AP4M1: variants seen among roughly 807,000 people sequenced by gnomAD.
AP4M1 encodes AP-4 complex subunit mu-1.
Under a neutral mutation model 62.4 loss-of-function variants are expected in AP4M1, and 58 were observed. The ratio of observed to expected loss-of-function variants is 0.93; its 90% CI spans 0.75 to 1.16. The LOEUF (loss-of-function observed/expected upper bound fraction) is 1.16. Ranked by LOEUF, AP4M1 falls within the 50% of genes most tolerant of loss-of-function variation. AP4M1 has a pLI of 0.00. For missense variants in AP4M1, 626 were observed against 585.4 expected, an observed-to-expected ratio of 1.07 and a Z score of -0.72; for synonymous variants, 290 against 239.7, an observed-to-expected ratio of 1.21 and a Z score of -1.94.
At position 100,108,115 on chromosome 7, in the gene AP4M1, G is replaced by A. The variant is rs1796743716; in HGVS notation, c.*1233G>A. ...GTGGGGCCTGCGAGAGGGTCAGCGT[G>A]GGCCGGGGCTGCGGGGAGAAGAGGA... On this transcript the variant is annotated 3_prime_UTR_variant, in exon 15 of 15. Coordinates refer to ENST00000359593, the MANE Select transcript of AP4M1 (RefSeq NM_004722.4). 1 of 1,601,126 alleles carries A rather than the reference G, an allele frequency of 6.2e-7. No individual in the cohort carries two copies. The highest frequency in any genetic ancestry group is 1.8e-5 in the Admixed American group (1 of 57,030).
intron 1 of AP4M1, 40 bp downstream of exon 1, chr7:100,101,812 C>T: frequency 1.5e-6 from 1 of 661,616 alleles, no homozygotes; most frequent in Non-Finnish European, 2.7e-6. Context: ...GCGGAGGGGC[C>T]GGGCGGGAGG....
rs770701412 is a variant in AP4M1, at chr7:100,102,813, TAGGAGGGGTCTGAG to T, written c.254+39_255-31del. On this transcript the variant is annotated intron_variant, in intron 3 of 14. Coordinates refer to ENST00000359593, the MANE Select transcript of AP4M1 (RefSeq NM_004722.4). ...AGGGTTGGGCTGGGCACCTGGTAGCTAGGAGGGGTCTGAGAGGAGGAGAAAATACACGCTCCAAG... is the reference window on the plus strand; with the variant it reads ...AGGGTTGGGCTGGGCACCTGGTAGCTAGGAGGAGAAAATACACGCTCCAAG... The T allele has an allele frequency of 3.8e-5, 61 of 1,613,176 alleles. No homozygotes were observed. The Middle Eastern group carries it at 1.2e-3, about 30-fold the overall frequency.
rs1299756204 is a variant in AP4M1 at position 100,107,555 on chromosome 7, G to A, written c.*673G>A. The A allele has an allele frequency of 4.3e-6, 7 of 1,613,934 alleles. No homozygotes were observed. The East Asian group carries it at 1.1e-4, about 26-fold the overall frequency. On this transcript the variant is annotated 3_prime_UTR_variant, in exon 15 of 15. Transcript: ENST00000359593. ...ACTTGACGATGGGCTGCACGCTGGGGACGGTGGTGGTGACGGGCGAAGTGG... is the reference window on the plus strand; with the variant it reads ...ACTTGACGATGGGCTGCACGCTGGGAACGGTGGTGGTGACGGGCGAAGTGG...
At chr7:100,101,088 C>T (rs1361739888), upstream of AP4M1, 1 of 779,444 alleles carries the variant, frequency 1.3e-6, no homozygotes. Context: ...TCGATGGCCC[C>T]CCGCACGCTT....
At chr7:100,101,126 C>T, upstream of AP4M1, 2 of 1,091,920 alleles carry the variant, frequency 1.8e-6, no homozygotes, top group Non-Finnish European at 2.7e-6. Flanking sequence ...TTAGCCAGGC[C>T]GCAGCTCGAC....
upstream of AP4M1, chr7:100,101,064 G>A (rs1414566929): frequency 1.4e-6 from 1 of 734,276 alleles, no homozygotes; most frequent in Non-Finnish European, 2.2e-6. Flanking sequence ...GGGATTACTA[G>A]CTTTTCTTCA....
At chr7:100,104,825 A>C (rs777509728) in intron 7 of AP4M1, 49 bp from the exon 8 acceptor site, 12 of 1,607,620 alleles carry the variant, frequency 7.5e-6, no homozygotes, top group Non-Finnish European at 1.0e-5. Flanking sequence ...AGACCGTCTC[A>C]AAAAAAGAAA....
rs1238681981 is a variant in AP4M1 at position 100,108,065 on chromosome 7, A to G, written c.*1183A>G. 1 of 1,612,724 alleles carries G rather than the reference A, an allele frequency of 6.2e-7. No homozygotes were observed. Among genetic ancestry groups the G allele is most frequent in the African/African-American group, 1.3e-5 (1 of 75,000 alleles). On this transcript the variant is annotated 3_prime_UTR_variant, in exon 15 of 15. Coordinates refer to ENST00000359593, the MANE Select transcript of AP4M1 (RefSeq NM_004722.4). The stretch of plus-strand genomic sequence containing the variant: ...TGCGATGGAGCCAGGAACCTTCAGC[A>G]AGCCAGGGGTGCGAGGGCCAGGCTG...
intron 11 of AP4M1, 45 bp downstream of exon 11, chr7:100,105,584 C>T (rs1179933797): frequency 1.9e-6 from 3 of 1,547,808 alleles, no homozygotes; most frequent in Non-Finnish European, 2.7e-6. Context: ...GAACCCAAGC[C>T]AAGACCTGTA....
Position 100,108,594 on chromosome 7 carries a change from TAGAG to T in AP4M1, c.*1713_*1716del. On this transcript the variant is annotated 3_prime_UTR_variant, in exon 15 of 15. Transcript: ENST00000359593. ...GGGAGGGCTGGGGAAAAAAGCCAGG[TAGAG>T]GGAGGGCTGGTGACACTCTTGAGAA... is the stretch of plus-strand genomic sequence containing the variant. 6.5e-7 allele frequency: 1 copy of T among 1,542,788 alleles called. No homozygotes were observed. Among genetic ancestry groups the T allele is most frequent in the Non-Finnish European group, 8.8e-7 (1 of 1,141,590 alleles).
chr7:100,105,591 T>A, intron 11 of AP4M1, 52 bp downstream of exon 11: 1 of 1,529,798 alleles, frequency 6.5e-7, no homozygotes, highest in Non-Finnish European at 9.0e-7. Context: ...AGCCAAGACC[T>A]GTATGTTCCC....
upstream of AP4M1, chr7:100,101,163 A>G (rs1268080019): frequency 2.1e-5 from 32 of 1,488,888 alleles, no homozygotes; most frequent in Non-Finnish European, 3.0e-5. Context: ...CGCACCCCAG[A>G]ACCCGCCGAC....
chr7:100,103,887 C>CAAAAA (rs10671291), intron 6 of AP4M1, among the ~76,000 whole-genome samples, 195 bp downstream of exon 6: 6 of 92,024 alleles, frequency 6.5e-5, no homozygotes, highest in South Asian at 3.7e-4. Flanking sequence ...ACTAAAAATG[C>CAAAAA]AAAAAAAAAA....
At chr7:100,101,816 C>A in intron 1 of AP4M1, 44 bp downstream of exon 1, 3 of 654,902 alleles carry the variant, frequency 4.6e-6, no homozygotes, top group Non-Finnish European at 8.2e-6. Flanking sequence ...AGGGGCCGGG[C>A]GGGAGGGGCG....
Position 100,105,509 on chromosome 7 carries a change from C to T in AP4M1, c.899C>T (p.Pro300Leu), listed in dbSNP as rs907295366. ...TCACCGCTCCCCTTCCGGCTCTTCC[C>T]CTCTGTGCAGTGGGACCGAGGCTCA... ...LPSPLPFRLF[P>L]SVQWDRGSGR... The change falls in exon 11 of 15, where the codon CCC (proline) becomes CTC (leucine). Residue 300 changes from proline to leucine, a missense_variant. Pro to Leu is a moderately conservative substitution (Grantham distance 98). Transcript: ENST00000359593. 1 of 1,613,922 alleles carries T rather than the reference C, an allele frequency of 6.2e-7. No homozygotes were observed. Among genetic ancestry groups the T allele is most frequent in the Admixed American group, 1.7e-5 (1 of 60,012 alleles).
rs1796766865 is a variant in AP4M1 at position 100,108,212 on chromosome 7, TC to T, written c.*1331del. Reference sequence around the variant, plus strand: ...AGGCCTGGGCTCCCCTCGCTCTTCCTCAGTGGCTCTCACTAGGGCTGGGGCA... The same window carrying T: ...AGGCCTGGGCTCCCCTCGCTCTTCCTAGTGGCTCTCACTAGGGCTGGGGCA... On this transcript the variant is annotated 3_prime_UTR_variant, in exon 15 of 15. Transcript: ENST00000359593. 6.8e-7 allele frequency: 1 copy of T among 1,469,060 alleles called. No individual in the cohort carries two copies. The highest frequency in any genetic ancestry group is 9.1e-7 in the Non-Finnish European group (1 of 1,102,658). The allele number at this position is 1,469,060 out of a possible 1,614,324, so 91.0% of individuals were successfully genotyped here. A position where few individuals can be genotyped will look rare whatever the true frequency, so the allele number is the denominator to read the frequency against.
rs754498075 is a variant in AP4M1 at position 100,105,984 on chromosome 7, T to C, written c.955T>C (p.Cys319Arg). 15 of 1,614,028 alleles carry C rather than the reference T, an allele frequency of 9.3e-6. No homozygotes were observed. The highest frequency in any genetic ancestry group is 5.5e-5 in the South Asian group (5 of 91,084). The change falls in exon 12 of 15, where the codon TGT becomes CGT. Residue 319 changes from cysteine (C) to arginine (R), a missense_variant. Coordinates refer to ENST00000359593, the MANE Select transcript of AP4M1 (RefSeq NM_004722.4). Reference protein sequence around the residue: ...GRLQVYLKLRCDLLSKSQALN... With the variant: ...GRLQVYLKLRRDLLSKSQALN... ...GCTCCAGGTTTATCTAAAGTTGCGATGTGACCTGCTCTCAAAGAGGTAAGA... is the reference window on the plus strand; with the variant it reads ...GCTCCAGGTTTATCTAAAGTTGCGACGTGACCTGCTCTCAAAGAGGTAAGA...
rs146258708 is a variant in AP4M1, at chr7:100,107,006, G to A, written c.*124G>A. 2,001 of 1,289,570 alleles carry A rather than the reference G, an allele frequency of 1.6e-3. 5 individuals are homozygous for A. Among genetic ancestry groups the A allele is most frequent in the Middle Eastern group, 9.6e-3 (39 of 4,060 alleles). 79.9% of individuals were successfully genotyped at this position (1,289,570 alleles called of 1,614,324 possible). Reference sequence around the variant, plus strand: ...GGGCAGGAAGAGTCCTCAGTCCCAAGACCAGGAGGGGGCAATGGGCCCAGC... The same window carrying A: ...GGGCAGGAAGAGTCCTCAGTCCCAAAACCAGGAGGGGGCAATGGGCCCAGC... On this transcript the variant is annotated 3_prime_UTR_variant, in exon 15 of 15. Transcript: ENST00000359593.
chr7:100,100,808 G>A, upstream of AP4M1: 1 of 997,592 alleles, frequency 1.0e-6, no homozygotes, highest in Non-Finnish European at 1.2e-6. Context: ...CCGCTCGGAG[G>A]GCGGCCTCAA....
Sources: allele counts gnomAD v4.1 joint callset (sites outside exome capture counted in the v4.1 genomes callset), GRCh38; gene constraint gnomAD v4.1.1; transcripts MANE v1.5; gene names NCBI Gene and HGNC (gene_info 2026-07-23, HGNC 2026-07-21).